Variants in SLCO1B3 observed in about 807,000 individuals in gnomAD.
SLCO1B3 encodes the protein liver-specific organic anion transporter 2.
A neutral mutation model predicts 71.8 loss-of-function variants in SLCO1B3; 72 were observed. The observed-to-expected ratio is 1.00, with a 90% CI of 0.83 to 1.22. The LOEUF (loss-of-function observed/expected upper bound fraction) is 1.22. SLCO1B3 is among the 50% of genes most tolerant of loss of function. The pLI, the probability that SLCO1B3 is intolerant of heterozygous loss-of-function variation, is 0.00. For synonymous variants in SLCO1B3, 298 were observed against 278.4 expected, an observed-to-expected ratio of 1.07 and a Z score of -0.70; for missense variants, 911 against 819.7, an observed-to-expected ratio of 1.11 and a Z score of -1.36.
intron 8 of SLCO1B3, among the ~76,000 whole-genome samples, chr12:20,865,746 A>G (rs1175263748): frequency 3.3e-5 from 5 of 152,168 alleles, no homozygotes; most frequent in Non-Finnish European, 5.9e-5. Context: ...ATATTATTTT[A>G]TAATTTACTA....
intron 15 of SLCO1B3, chr12:20,901,941 C>G (rs1170142026): frequency 2.3e-6 from 1 of 426,710 alleles, no homozygotes; most frequent in Non-Finnish European, 4.6e-6. Context: ...ACTAGATTAT[C>G]TGGAAGAAAC....
chr12:20,866,470 C>G (rs1211551678), intron 8 of SLCO1B3, among the ~76,000 whole-genome samples: 1 of 147,716 alleles, frequency 6.8e-6, no homozygotes, highest in Non-Finnish European at 1.5e-5. Flanking sequence ...AAACATGATT[C>G]AAGAAAAAGT....
intron 15 of SLCO1B3, among the ~76,000 whole-genome samples, chr12:20,904,835 A>T (rs75105940): frequency 0.024 from 3,027 of 125,354 alleles, 118 homozygotes; most frequent in African/African-American, 0.088. Flanking sequence ...GTGCAGTGGC[A>T]TGATCTCAGC....
At chr12:20,866,555 C>G (rs7963069) in intron 8 of SLCO1B3, among the ~76,000 whole-genome samples, 110,037 of 151,898 alleles carry the variant, frequency 0.72, 42,453 homozygotes, top group South Asian at 0.9. Flanking sequence ...GCCACTAATG[C>G]ATAATTTGAA....
intron 3 of SLCO1B3, among the ~76,000 whole-genome samples, chr12:20,837,199 CT>C (rs1055136357): frequency 6.0e-5 from 9 of 150,936 alleles, no homozygotes; most frequent in South Asian, 4.2e-4. Flanking sequence ...TATTCACTCT[CT>C]TTTTTTTTCC....
At chr12:20,901,892 A>G (rs1482636286) in intron 15 of SLCO1B3, 1 of 440,212 alleles carries the variant, frequency 2.3e-6, no homozygotes, top group African/African-American at 2.0e-5. Context: ...TTACTCTTCT[A>G]TTCATAGGCA....
chr12:20,865,677 A>G (rs1429134545), intron 8 of SLCO1B3, among the ~76,000 whole-genome samples: 1 of 152,116 alleles, frequency 6.6e-6, no homozygotes, highest in Admixed American at 6.6e-5. Context: ...GGCAGCTTAC[A>G]AATACAGAAA....
intron 3 of SLCO1B3, among the ~76,000 whole-genome samples, chr12:20,849,989 T>A (rs1591760202): frequency 6.6e-6 from 1 of 150,620 alleles, no homozygotes; most frequent in East Asian, 1.9e-4. Flanking sequence ...CTACCCAGAT[T>A]TCTCTGCAGA....
chr12:20,887,870 C>G (rs550077839), intron 13 of SLCO1B3, among the ~76,000 whole-genome samples: 1 of 151,720 alleles, frequency 6.6e-6, no homozygotes, highest in African/African-American at 2.4e-5. Context: ...CTTACAATTA[C>G]GTCTTTCATC....
chr12:20,830,735 CAT>C (rs1174025025), intron 3 of SLCO1B3, among the ~76,000 whole-genome samples: 1 of 152,080 alleles, frequency 6.6e-6, no homozygotes, highest in Non-Finnish European at 1.5e-5. Context: ...GTCCAGGGAA[CAT>C]AGAGTTTGTT....
At chr12:20,844,137 G>A (rs1475686802) in intron 3 of SLCO1B3, among the ~76,000 whole-genome samples, 4 of 151,594 alleles carry the variant, frequency 2.6e-5, no homozygotes, top group East Asian at 1.9e-4. Flanking sequence ...TAAGTTGTGT[G>A]TATATATATG....
Position 20,855,174 on chromosome 12 carries a change from C to T in SLCO1B3, c.226+5C>T, listed in dbSNP as rs1292966703. ...TTGATGGAAGCTTTGAAATTGGTAA[C>T]TTTTATTTTTTCTATTTGATAACCA... is the stretch of plus-strand genomic sequence containing the variant. On this transcript the variant is annotated splice_donor_5th_base_variant and intron_variant, in intron 4 of 15. Coordinates refer to ENST00000381545, the MANE Select transcript of SLCO1B3 (RefSeq NM_019844.4). 17 of 1,602,436 alleles carry T rather than the reference C, an allele frequency of 1.1e-5. No individual in the cohort carries two copies. The highest frequency in any genetic ancestry group is 1.8e-4 in the Middle Eastern group (1 of 5,656).
In SLCO1B3 at chr12:20,858,393, C is replaced by G. The variant is rs373979903; in HGVS notation, c.227-46C>G. 1.4e-5 allele frequency: 19 copies of G among 1,405,292 alleles called. No individual in the cohort carries two copies. The African/African-American group carries it at 2.3e-4, about 17-fold the overall frequency. The allele number at this position is 1,405,292 out of a possible 1,614,324, so 87.1% of individuals were successfully genotyped here. Reference sequence around the variant, plus strand: ...TTGGGGCATTCAGTTCTACTAGATACAAAATTACACTAAGTCATATCAACA... The same window carrying G: ...TTGGGGCATTCAGTTCTACTAGATAGAAAATTACACTAAGTCATATCAACA... On this transcript the variant is annotated intron_variant, in intron 4 of 15. Transcript: ENST00000381545.
chr12:20,850,849 A>G (rs1254157933), intron 3 of SLCO1B3, among the ~76,000 whole-genome samples: 2 of 152,170 alleles, frequency 1.3e-5, no homozygotes, highest in Non-Finnish European at 2.9e-5. Flanking sequence ...TTGAATGATA[A>G]TTCTATTTTA....
chr12:20,811,333 A>C (rs986434511), intron 1 of SLCO1B3, among the ~76,000 whole-genome samples: 4 of 152,192 alleles, frequency 2.6e-5, no homozygotes, highest in Non-Finnish European at 5.9e-5. Context: ...TCTTCTGGGC[A>C]CAGCTCTTGG....
chr12:20,882,646 C>T (rs949232547), intron 12 of SLCO1B3, among the ~76,000 whole-genome samples: 4 of 152,076 alleles, frequency 2.6e-5, no homozygotes, highest in Admixed American at 2.6e-4. Context: ...CCTCATGATA[C>T]GCCTGCCTCA....
At chr12:20,894,632 A>G (rs971716250) in intron 13 of SLCO1B3, among the ~76,000 whole-genome samples, 7 of 152,186 alleles carry the variant, frequency 4.6e-5, no homozygotes, top group Admixed American at 4.6e-4. Context: ...TGAAAAATAC[A>G]TGTCAGGCTA....
At chr12:20,901,540 T>G in intron 15 of SLCO1B3, 73 bp downstream of exon 15, 1 of 742,206 alleles carries the variant, frequency 1.3e-6, no homozygotes, top group Non-Finnish European at 2.2e-6. Context: ...TATAGCATTT[T>G]TAGTGTGATC....
At chr12:20,864,578 T>G (rs1193239301) in intron 8 of SLCO1B3, among the ~76,000 whole-genome samples, 1 of 152,206 alleles carries the variant, frequency 6.6e-6, no homozygotes, top group African/African-American at 2.4e-5. Context: ...CTACACGTTA[T>G]GTACATCATT....
Sources: allele counts gnomAD v4.1 joint callset (sites outside exome capture counted in the v4.1 genomes callset), GRCh38; gene constraint gnomAD v4.1.1; transcripts MANE v1.5; gene names NCBI Gene and HGNC (gene_info 2026-07-23, HGNC 2026-07-21).